Variants in PDE8B observed in about 807,000 individuals in gnomAD.
The protein encoded by PDE8B is high affinity cAMP-specific and IBMX-insensitive 3',5'-cyclic phosphodiesterase 8B.
A neutral mutation model predicts 101.3 loss-of-function variants in PDE8B; 26 were observed. The observed-to-expected ratio is 0.26, with a 90% CI of 0.19 to 0.36. The LOEUF is 0.36. Ranked by LOEUF, PDE8B falls within the 10% of genes least tolerant of loss-of-function variation. The pLI, the probability that PDE8B is intolerant of heterozygous loss-of-function variation, is 1.00. For synonymous variants in PDE8B, 424 were observed against 429.3 expected (o/e 0.99, Z 0.15); for missense variants, 810 against 1,163.1 (o/e 0.70, Z 4.42).
chr5:77,099,083 A>G, the PDE8B span, among the ~76,000 whole-genome samples: 1 of 152,158 alleles, frequency 6.6e-6, no homozygotes. Context: ...TGTATACTTT[A>G]TGTTTATTTT....
At chr5:77,167,993 C>T in the PDE8B span, among the ~76,000 whole-genome samples, 1 of 152,128 alleles carries the variant, frequency 6.6e-6, no homozygotes, top group Non-Finnish European at 1.5e-5. Flanking sequence ...TGAGAATCCT[C>T]ACTGCTGACG....
intron 2 of PDE8B, among the ~76,000 whole-genome samples, chr5:77,323,665 A>G (rs10076794): frequency 0.29 from 43,993 of 152,022 alleles, 6,403 homozygotes; most frequent in Middle Eastern, 0.41. Flanking sequence ...TTCAATTAAT[A>G]AAAGTATTTT....
At chr5:77,361,662 C>A (rs541972099) in intron 10 of PDE8B, among the ~76,000 whole-genome samples, 2 of 152,094 alleles carry the variant, frequency 1.3e-5, no homozygotes, top group East Asian at 3.9e-4. Context: ...CTACAGGCGC[C>A]CGCTACCTCA....
the PDE8B span, among the ~76,000 whole-genome samples, chr5:77,121,753 G>A: frequency 2.3e-3 from 344 of 152,206 alleles, 3 homozygotes; most frequent in East Asian, 0.039. Context: ...TGATCCACCC[G>A]CCTCGGCCTC....
chr5:77,097,707 C>CTATATATATATATCTA, the PDE8B span, among the ~76,000 whole-genome samples: 1 of 20,946 alleles, frequency 4.8e-5, no homozygotes, highest in African/African-American at 1.3e-4. Context: ...ATATATATAT[C>CTATATATATATATCTA]TATATATATA....
intron 10 of PDE8B, among the ~76,000 whole-genome samples, chr5:77,377,155 A>G (rs549098393): frequency 6.6e-6 from 1 of 152,242 alleles, no homozygotes; most frequent in Admixed American, 6.5e-5. Flanking sequence ...AGCACCCCAC[A>G]TATGCTCAAC....
chr5:77,135,978 T>C, the PDE8B span, among the ~76,000 whole-genome samples: 10 of 152,156 alleles, frequency 6.6e-5, no homozygotes, highest in Admixed American at 6.5e-5. Context: ...ACCCCCAGGA[T>C]CAAGCTTCTA....
chr5:77,387,399 C>G (rs1157185322), intron 10 of PDE8B, among the ~76,000 whole-genome samples: 2 of 152,218 alleles, frequency 1.3e-5, no homozygotes, highest in African/African-American at 4.8e-5. Context: ...GGTCCCCACT[C>G]TCTTCTAGCT....
chr5:77,385,552 T>C (rs1788381756), intron 10 of PDE8B, among the ~76,000 whole-genome samples: 1 of 152,100 alleles, frequency 6.6e-6, no homozygotes, highest in African/African-American at 2.4e-5. Flanking sequence ...CTAGTTCTTT[T>C]AATTGTGATG....
intron 10 of PDE8B, among the ~76,000 whole-genome samples, chr5:77,384,802 C>T (rs1427153270): frequency 6.6e-6 from 1 of 152,168 alleles, no homozygotes; most frequent in Non-Finnish European, 1.5e-5. Flanking sequence ...TCTAACCAGC[C>T]ATGCATCCCA....
At chr5:77,366,564 G>A (rs2150616592) in intron 10 of PDE8B, among the ~76,000 whole-genome samples, 1 of 152,246 alleles carries the variant, frequency 6.6e-6, no homozygotes, top group East Asian at 1.9e-4. Flanking sequence ...TGCTGTCAGG[G>A]GCTCTTCCTC....
chr5:77,425,119 A>C (rs1423754086), intron 20 of PDE8B, among the ~76,000 whole-genome samples: 1 of 152,222 alleles, frequency 6.6e-6, no homozygotes, highest in Middle Eastern at 3.2e-3. Flanking sequence ...GCTTCTTCTC[A>C]GTGTAAATGT....
intron 6 of PDE8B, among the ~76,000 whole-genome samples, chr5:77,338,592 A>G (rs961972239): frequency 6.6e-6 from 1 of 152,310 alleles, no homozygotes. Context: ...GCTTCAGAGA[A>G]CTTCACAGAA....
At chr5:77,397,782 T>C (rs919288012) in intron 10 of PDE8B, among the ~76,000 whole-genome samples, 2 of 152,226 alleles carry the variant, frequency 1.3e-5, no homozygotes, top group African/African-American at 4.8e-5. Flanking sequence ...GTAGCCCTTA[T>C]AGTAGTAACC....
At chr5:77,404,678 C>T (rs375851785) in intron 11 of PDE8B, 42 bp from the exon 12 acceptor site, 58 of 1,160,082 alleles carry the variant, frequency 5.0e-5, no homozygotes, top group Middle Eastern at 3.8e-4. Context: ...TGTGAATACA[C>T]GGAAAACTAA....
At chr5:77,371,931 T>G (rs906270112) in intron 10 of PDE8B, among the ~76,000 whole-genome samples, 5 of 152,226 alleles carry the variant, frequency 3.3e-5, no homozygotes, top group Non-Finnish European at 7.3e-5. Context: ...CCGGGTGCAG[T>G]GGCTCACGCC....
intron 1 of PDE8B, among the ~76,000 whole-genome samples, chr5:77,219,762 A>G (rs1463443453): frequency 6.6e-6 from 1 of 152,222 alleles, no homozygotes; most frequent in Non-Finnish European, 1.5e-5. Context: ...CTGCAAGGAA[A>G]CAAAAGCCAC....
At chr5:77,240,334 T>A (rs1042539368) in intron 1 of PDE8B, among the ~76,000 whole-genome samples, 1 of 152,102 alleles carries the variant, frequency 6.6e-6, no homozygotes, top group Non-Finnish European at 1.5e-5. Context: ...TTTGTATTTT[T>A]AGTAGAGACG....
intron 1 of PDE8B, among the ~76,000 whole-genome samples, chr5:77,296,722 T>G (rs148414154): frequency 4.1e-4 from 62 of 152,304 alleles, no homozygotes; most frequent in African/African-American, 1.3e-3. Context: ...TTGTGGTGAG[T>G]TATGTAAATA....
Sources: gnomAD v4.1 joint callset for allele counts (sites outside exome capture counted in the v4.1 genomes callset) on GRCh38, gnomAD v4.1.1 for gene constraint, MANE v1.5 for transcripts, NCBI Gene and HGNC (gene_info 2026-07-23, HGNC 2026-07-21) for gene names.